CHSY1: variants seen among roughly 807,000 people sequenced by gnomAD.
CHSY1 encodes the protein chondroitin sulfate synthase 1.
Under a neutral mutation model 59.8 loss-of-function variants are expected in CHSY1, and 13 were observed. The observed-to-expected ratio is 0.22, with a 90% CI of 0.14 to 0.35. The LOEUF (loss-of-function observed/expected upper bound fraction) is 0.35. Ranked by LOEUF, CHSY1 falls within the 10% of genes least tolerant of loss-of-function variation. The pLI is 1.00. For missense variants in CHSY1, 947 were observed against 1,030.6 expected, an observed-to-expected ratio of 0.92 and a Z score of 1.11; for synonymous variants, 459 against 401.2, an observed-to-expected ratio of 1.14 and a Z score of -1.72.
rs756078543 is a variant in CHSY1, at chr15:101,251,249, G to C, written c.208C>G (p.Leu70Val). 10 of 1,443,926 alleles carry C rather than the reference G, an allele frequency of 6.9e-6. No individual in the cohort carries two copies. The highest frequency in any genetic ancestry group is 9.1e-6 in the Non-Finnish European group (10 of 1,098,010). 89.4% of individuals were successfully genotyped at this position (1,443,926 alleles called of 1,614,324 possible). A position where few individuals can be genotyped will look rare whatever the true frequency, so the allele number is the denominator to read the frequency against. Reference protein sequence around the residue: ...GARGDARGAQLWPPGSDPDGG... With the variant: ...GARGDARGAQVWPPGSDPDGG... ...TCTGGGTCCGAGCCGGGCGGCCAGA[G>C]CTGCGCCCCGCGCGCATCGCCGCGC... is the stretch of plus-strand genomic sequence containing the variant. The change falls in exon 1 of 3, where the codon CTC (leucine) becomes GTC (valine). Residue 70 changes from leucine to valine, a missense_variant. By Grantham distance (32) the Leu-to-Val change is conservative. Around this residue, in one of 4 missense-constraint regions of CHSY1, gnomAD observed 232 missense variants for 188.5 expected, o/e 1.23. Coordinates refer to ENST00000254190, the MANE Select transcript of CHSY1 (RefSeq NM_014918.5).
In CHSY1 at chr15:101,178,522, G is replaced by T. The variant is rs764524778; in HGVS notation, c.1275C>A (p.Arg425=). The T allele has an allele frequency of 1.2e-6, 2 of 1,614,142 alleles. No individual in the cohort carries two copies. Among genetic ancestry groups the T allele is most frequent in the Non-Finnish European group, 1.7e-6 (2 of 1,180,054 alleles). ...ACTGGATCTCTTTGAAGTCAATGAT[G>T]CGCCCTCTGGTCTTGGCGTTGGCAT... ...MINANAKTRG[R]IIDFKEIQYG... is the part of the protein sequence containing the mutation. Residue 425 remains arginine (R), a synonymous_variant, in exon 3 of 3, where the codon CGC becomes CGA. Transcript: ENST00000254190.
intron 2 of CHSY1, among the ~76,000 whole-genome samples, chr15:101,224,074 G>T (rs968912175): frequency 1.3e-5 from 2 of 152,232 alleles, no homozygotes; most frequent in Non-Finnish European, 2.9e-5. Context: ...TGCTGTACAG[G>T]TTTGTAGCCT....
intron 2 of CHSY1, chr15:101,187,685 C>A (rs1421345136): frequency 6.6e-6 from 1 of 152,214 alleles, no homozygotes; most frequent in Non-Finnish European, 1.5e-5. Flanking sequence ...TTAATACTCA[C>A]AAGAGTATTC....
intron 1 of CHSY1, among the ~76,000 whole-genome samples, chr15:101,238,850 A>G (rs775794132): frequency 2.0e-5 from 3 of 152,236 alleles, no homozygotes; most frequent in East Asian, 3.8e-4. Context: ...CTGAAGAAAA[A>G]GGATGTAGAA....
At chr15:101,244,452 C>A (rs769306742) in intron 1 of CHSY1, among the ~76,000 whole-genome samples, 1 of 152,202 alleles carries the variant, frequency 6.6e-6, no homozygotes, top group Non-Finnish European at 1.5e-5. Flanking sequence ...GCCTAGCGGA[C>A]CTCCACACCA....
Position 101,235,410 on chromosome 15 carries a change from T to G in CHSY1, c.488A>C (p.Lys163Thr). 1.9e-6 allele frequency: 3 copies of G among 1,614,172 alleles called. No individual in the cohort carries two copies. The highest frequency in any genetic ancestry group is 2.5e-6 in the Non-Finnish European group (3 of 1,180,026). ...LKYMHDHYLD[K>T]YEWFMRADDD... ...ATCTGCTCTCATAAACCATTCATACTTGTCCAAGTAGTGGTCGTGCATGTA... is the reference window on the plus strand; with the variant it reads ...ATCTGCTCTCATAAACCATTCATACGTGTCCAAGTAGTGGTCGTGCATGTA... Residue 163 changes from lysine to threonine, a missense_variant, in exon 2 of 3, where the codon AAG (lysine) becomes ACG (threonine). Lys to Thr is a moderately conservative substitution (Grantham distance 78, BLOSUM62 -1). Transcript: ENST00000254190.
intron 2 of CHSY1, among the ~76,000 whole-genome samples, chr15:101,225,382 T>C (rs551112876): frequency 4.6e-5 from 7 of 152,300 alleles, no homozygotes; most frequent in African/African-American, 7.2e-5. Flanking sequence ...TCAAAATGCT[T>C]TGAATATTGA....
chr15:101,225,665 C>A (rs1295141870), intron 2 of CHSY1, among the ~76,000 whole-genome samples: 2 of 152,196 alleles, frequency 1.3e-5, no homozygotes, highest in Non-Finnish European at 2.9e-5. Context: ...TTGCCTTCCA[C>A]CATGAGTAAA....
intron 1 of CHSY1, among the ~76,000 whole-genome samples, chr15:101,249,842 C>T (rs2039089372): frequency 6.6e-6 from 1 of 152,198 alleles, no homozygotes; most frequent in African/African-American, 2.4e-5. Context: ...ACAATACCTG[C>T]ATTCTAAGCT....
At chr15:101,211,988 G>C (rs1015218314) in intron 2 of CHSY1, among the ~76,000 whole-genome samples, 2 of 150,852 alleles carry the variant, frequency 1.3e-5, no homozygotes, top group African/African-American at 4.9e-5. Flanking sequence ...GTAGGCAAAA[G>C]TCATGGACAA....
chr15:101,234,911 G>T (rs1178855479), intron 2 of CHSY1, among the ~76,000 whole-genome samples, 171 bp downstream of exon 2: 3 of 143,416 alleles, frequency 2.1e-5, no homozygotes, highest in African/African-American at 8.7e-5. Context: ...GCCAAGAAAA[G>T]GTAATAAAGG....
chr15:101,214,587 G>C (rs1028298790), intron 2 of CHSY1, among the ~76,000 whole-genome samples: 2 of 152,212 alleles, frequency 1.3e-5, no homozygotes, highest in African/African-American at 4.8e-5. Context: ...ATCTCATGTC[G>C]GATTGCAGTC....
At chr15:101,209,849 A>C (rs1455883835) in intron 2 of CHSY1, among the ~76,000 whole-genome samples, 2 of 152,248 alleles carry the variant, frequency 1.3e-5, no homozygotes, top group African/African-American at 4.8e-5. Flanking sequence ...AAAGAAATCT[A>C]CTGGCATGTG....
intron 1 of CHSY1, among the ~76,000 whole-genome samples, chr15:101,244,414 C>T (rs889415245): frequency 2.0e-5 from 3 of 152,198 alleles, no homozygotes; most frequent in Admixed American, 6.5e-5. Flanking sequence ...TGGTAACTGA[C>T]TGAAACGAGA....
At chr15:101,198,083 T>C (rs1290006185) in intron 2 of CHSY1, among the ~76,000 whole-genome samples, 1 of 152,018 alleles carries the variant, frequency 6.6e-6, no homozygotes, top group East Asian at 1.9e-4. Context: ...TATCGGGCCT[T>C]CTGTCCAGTT....
chr15:101,249,657 GTGCACGCCACCACACCCGGC>G (rs905460902), intron 1 of CHSY1, among the ~76,000 whole-genome samples: 1 of 151,860 alleles, frequency 6.6e-6, no homozygotes, highest in African/African-American at 2.4e-5. Flanking sequence ...GGGACTACAG[GTGCACGCCACCACACCCGGC>G]TAATTTTTGT....
At position 101,221,454 on chromosome 15, in the gene CHSY1, G is replaced by C. The variant is rs2038788288; in HGVS notation, c.816+13628C>G. Among the ~76,000 whole-genome samples the C allele has an allele frequency of 1.3e-5, 2 of 152,120 alleles. 1 individual carries two copies. The highest frequency in any genetic ancestry group is 4.8e-5 in the African/African-American group (2 of 41,414). On this transcript the variant is annotated intron_variant, in intron 2 of 2. Coordinates refer to ENST00000254190, the MANE Select transcript of CHSY1 (RefSeq NM_014918.5). ...AGCTTGCCCCACTGCACACTAGTTT[G>C]GGTGACAGGTTGAGAGTGTCTCTCT...
chr15:101,200,639 G>T (rs1457695724), intron 2 of CHSY1, among the ~76,000 whole-genome samples: 1 of 152,120 alleles, frequency 6.6e-6, no homozygotes, highest in Non-Finnish European at 1.5e-5. Flanking sequence ...TGCAGCTCCC[G>T]AGTCTCTCCG....
intron 2 of CHSY1, among the ~76,000 whole-genome samples, chr15:101,194,129 T>C (rs1357049407): frequency 6.6e-6 from 1 of 152,254 alleles, no homozygotes; most frequent in Non-Finnish European, 1.5e-5. Flanking sequence ...GCCCTCTTCA[T>C]GTAGCTACGG....
Sources: allele counts gnomAD v4.1 joint callset (sites outside exome capture counted in the v4.1 genomes callset), GRCh38; gene constraint gnomAD v4.1.1; regional missense constraint gnomAD v4.1.1; transcripts MANE v1.5; gene names NCBI Gene and HGNC (gene_info 2026-07-23, HGNC 2026-07-21).